C19orf25: variants seen among roughly 807,000 people sequenced by gnomAD.
C19orf25 encodes the protein chromosome 19 open reading frame 25, also known as UPF0449 protein C19orf25.
Under a neutral mutation model 3.1 loss-of-function variants are expected in C19orf25, and 1 was observed. The observed-to-expected ratio is 0.32, with a 90% confidence interval of 0.12 to 1.54. The LOEUF is 1.54. Among genes scored for constraint, C19orf25 ranks in the 40% most tolerant of loss-of-function variants. C19orf25 has a pLI of 0.38. For synonymous variants in C19orf25, 91 were observed against 74.3 expected (o/e 1.23, Z -1.16); for missense variants, 196 against 160.4 (o/e 1.22, Z -1.20).
intron 2 of C19orf25, chr19:1,476,565 G>A: frequency 2.9e-6 from 1 of 347,824 alleles, no homozygotes; most frequent in Non-Finnish European, 5.2e-6. Flanking sequence ...TCCCACCGAT[G>A]CTGGTCCACA....
chr19:1,477,084 C>G (rs2084212912), intron 2 of C19orf25, among the ~76,000 whole-genome samples: 1 of 151,740 alleles, frequency 6.6e-6, no homozygotes, highest in Admixed American at 6.6e-5. Flanking sequence ...ACTGCAACCT[C>G]CGCCTCCTGG....
At chr19:1,475,787 G>C (rs775721023) in intron 2 of C19orf25, 43 of 191,568 alleles carry the variant, frequency 2.2e-4, no homozygotes, top group Non-Finnish European at 4.0e-4. Context: ...TCCAGCTCTA[G>C]GCTACCCGCC....
intron 2 of C19orf25, among the ~76,000 whole-genome samples, chr19:1,477,619 G>A (rs1031131156): frequency 1.3e-5 from 2 of 152,124 alleles, no homozygotes; most frequent in African/African-American, 2.4e-5. Flanking sequence ...GCCACTAACC[G>A]TATGTGAATC....
intron 2 of C19orf25, 167 bp downstream of exon 2, chr19:1,478,607 G>A (rs1276743223): frequency 2.1e-6 from 3 of 1,407,658 alleles, no homozygotes; most frequent in Non-Finnish European, 1.8e-6. Context: ...CTGAAAATCG[G>A]TCCCACTCTA....
rs1273304766 is a variant in C19orf25, at chr19:1,478,854, G to C, written c.50C>G (p.Pro17Arg). 1 of 1,593,946 alleles carries C rather than the reference G, an allele frequency of 6.3e-7. No homozygotes were observed. The highest frequency in any genetic ancestry group is 2.3e-5 in the East Asian group (1 of 43,156). The change falls in exon 2 of 3, where the codon CCC becomes CGC. Residue 17 changes from proline to arginine, a missense_variant. Pro to Arg is a moderately radical substitution (Grantham distance 103, BLOSUM62 -2). Coordinates refer to ENST00000585675, the MANE Select transcript of C19orf25 (RefSeq NM_152482.3). ...KRVLLPTRPA[P>R]PTVEQILEDV... ...CTCCAGGATCTGCTCCACCGTGGGG[G>C]GCGCTGGGCGGGTGGGCAGCAGCAC... is the stretch of plus-strand genomic sequence containing the variant.
At chr19:1,475,505 AC>A (rs2084196855) in intron 2 of C19orf25, 1 of 483,230 alleles carries the variant, frequency 2.1e-6, no homozygotes, top group Admixed American at 3.5e-5. Flanking sequence ...ACATAGTGAC[AC>A]CCCCATCTCT....
chr19:1,476,526 C>G (rs2084207389), intron 2 of C19orf25: 1 of 381,332 alleles, frequency 2.6e-6, no homozygotes, highest in Admixed American at 4.5e-5. Context: ...AGTACCGGCC[C>G]ACAGAACCTT....
At chr19:1,476,354 C>T (rs866053303) in intron 2 of C19orf25, 1 of 398,618 alleles carries the variant, frequency 2.5e-6, no homozygotes. Flanking sequence ...ACAGGAGGCC[C>T]CCTACCTTCT....
intron 2 of C19orf25, 76 bp from the exon 3 acceptor site, chr19:1,475,334 A>G (rs2084194486): frequency 7.1e-7 from 1 of 1,401,784 alleles, no homozygotes; most frequent in Non-Finnish European, 9.6e-7. Flanking sequence ...CTGCCCCCAA[A>G]GGGCAGGGTT....
chr19:1,475,986 C>A (rs748386725), intron 2 of C19orf25: 2 of 388,322 alleles, frequency 5.2e-6, no homozygotes, highest in Non-Finnish European at 9.1e-6. Flanking sequence ...AGCCCGCCAC[C>A]GAAAACCTCT....
rs1213977593 is a variant in C19orf25, at chr19:1,474,069, C to A, written c.*963G>T. ...GCGGACGGTCCCTGCATGCAGTGCC[C>A]GGCAGGACTGAGCAGGGTTCCCGGG... On this transcript the variant is annotated 3_prime_UTR_variant, in exon 3 of 3. Coordinates refer to ENST00000585675, the MANE Select transcript of C19orf25 (RefSeq NM_152482.3). 6.6e-6 allele frequency: 1 copy of A among 152,212 alleles called. No homozygotes were observed. Among genetic ancestry groups the A allele is most frequent in the Non-Finnish European group, 1.5e-5 (1 of 68,074 alleles). The allele number at this position is 152,212 out of a possible 1,614,324, so 9.4% of individuals were successfully genotyped here.
At chr19:1,476,416 C>T (rs991998716) in intron 2 of C19orf25, 12 of 396,556 alleles carry the variant, frequency 3.0e-5, no homozygotes, top group African/African-American at 1.0e-4. Context: ...CCACACTCAA[C>T]GGCCATGGAC....
chr19:1,477,564 G>A (rs891197727), intron 2 of C19orf25, among the ~76,000 whole-genome samples: 1 of 152,224 alleles, frequency 6.6e-6, no homozygotes, highest in African/African-American at 2.4e-5. Context: ...AAAGGCTGGA[G>A]TCTCTGCTCC....
chr19:1,477,314 T>C (rs1037652357), intron 2 of C19orf25, among the ~76,000 whole-genome samples: 2 of 151,080 alleles, frequency 1.3e-5, no homozygotes, highest in African/African-American at 5.0e-5. Flanking sequence ...TTCATCTTCA[T>C]TTGTTTCCCG....
intron 2 of C19orf25, among the ~76,000 whole-genome samples, chr19:1,477,186 G>T (rs947966646): frequency 1.3e-5 from 2 of 152,000 alleles, no homozygotes; most frequent in Non-Finnish European, 2.9e-5. Flanking sequence ...ATTCTCAGTA[G>T]AGACGGGGTT....
chr19:1,474,604 G>A lies in C19orf25; in HGVS notation c.*428C>T, dbSNP rs939848328. The A allele has an allele frequency of 4.2e-6, 2 of 471,284 alleles. No homozygotes were observed. Among genetic ancestry groups the A allele is most frequent in the Non-Finnish European group, 7.3e-6 (2 of 273,066 alleles). 29.2% of individuals were successfully genotyped at this position (471,284 alleles called of 1,614,324 possible). On this transcript the variant is annotated 3_prime_UTR_variant, in exon 3 of 3. Transcript: ENST00000585675. Reference sequence around the variant, plus strand: ...CTGGCCCTCGGGCTGCTCTGACATTGGGTGGGCACTCGCTGGATGGAATCA... The same window carrying A: ...CTGGCCCTCGGGCTGCTCTGACATTAGGTGGGCACTCGCTGGATGGAATCA...
In C19orf25 at chr19:1,475,194, T is replaced by C; in HGVS notation, c.195A>G (p.Gln65=). 4 of 1,569,688 alleles carry C rather than the reference T, an allele frequency of 2.5e-6. No homozygotes were observed. The highest frequency in any genetic ancestry group is 3.5e-6 in the Non-Finnish European group (4 of 1,158,538). The change falls in exon 3 of 3, where the codon CAA becomes CAG. Residue 65 remains glutamine (Q), a synonymous_variant. Transcript: ENST00000585675. The part of the protein sequence containing the change: ...AEAPGEQLYQ[Q]SRAYVAANQR... ...GGTTGGCAGCCACGTAGGCCCGGCT[T>C]TGCTGGTAGAGCTGCTCTCCCGGGG...
chr19:1,477,673 C>T (rs867204016), intron 2 of C19orf25, among the ~76,000 whole-genome samples: 14 of 152,174 alleles, frequency 9.2e-5, no homozygotes, highest in Non-Finnish European at 1.9e-4. Flanking sequence ...ACACTGAAAT[C>T]TGAATTTCAT....
chr19:1,476,351 GC>G lies in C19orf25; in HGVS notation c.131-1094del, dbSNP rs371354611. 166 of 398,776 alleles carry G rather than the reference GC, an allele frequency of 4.2e-4. 1 individual carries two copies. The highest frequency in any genetic ancestry group is 3.0e-3 in the African/African-American group (144 of 48,742). The allele number at this position is 398,776 out of a possible 1,614,324, so 24.7% of individuals were successfully genotyped here. ...CAGTGCCTGGATGAAGGCACAGGAG[GC>G]CCCCTACCTTCTGTGAGCGCCCCCC... On this transcript the variant is annotated intron_variant, in intron 2 of 2. Transcript: ENST00000585675.
Sources: gnomAD v4.1 joint callset for allele counts (sites outside exome capture counted in the v4.1 genomes callset) on GRCh38, gnomAD v4.1.1 for gene constraint, MANE v1.5 for transcripts, NCBI Gene and HGNC (gene_info 2026-07-23, HGNC 2026-07-21) for gene names.